Variants in SLC44A3 observed in about 807,000 individuals in gnomAD.
The protein encoded by SLC44A3 is choline transporter-like protein 3.
Under a neutral mutation model 75.4 loss-of-function variants are expected in SLC44A3, and 74 were observed. That is an observed-to-expected ratio of 0.98 (90% CI 0.81 to 1.19). The LOEUF (loss-of-function observed/expected upper bound fraction) is 1.19, where lower values mean the gene tolerates loss of function less well. Ranked by LOEUF, SLC44A3 falls within the 50% of genes most tolerant of loss-of-function variation. The probability of loss-of-function intolerance (pLI) is 0.00; values close to 1 mark genes in which losing one functional copy is unlikely to be tolerated. For missense variants in SLC44A3, 700 were observed against 778.6 expected (o/e 0.90, Z 1.20); for synonymous variants, 310 against 296.9 (o/e 1.04, Z -0.45).
At position 94,864,799 on chromosome 1, in the gene SLC44A3, T is replaced by C. The variant is rs1339612902; in HGVS notation, c.1295T>C (p.Phe432Ser). The C allele has an allele frequency of 6.2e-7, 1 of 1,614,074 alleles. No homozygotes were observed. Among genetic ancestry groups the C allele is most frequent in the East Asian group, 2.2e-5 (1 of 44,880 alleles). Residue 432 changes from phenylalanine (F) to serine (S), a missense_variant, in exon 11 of 15, where the codon TTC (phenylalanine) becomes TCC (serine). Coordinates refer to ENST00000271227, the MANE Select transcript of SLC44A3 (RefSeq NM_001114106.3). ...CTTTCGTCTCTCTCCATTCTCTTCT[T>C]CTACCATCAAGGAACCGTTGTGAAA... Reference protein sequence around the residue: ...PILSSLSILFFYHQGTVVKGS... With the variant: ...PILSSLSILFSYHQGTVVKGS...
At chr1:94,848,952 G>C (rs944955269) in intron 9 of SLC44A3, among the ~76,000 whole-genome samples, 3 of 152,108 alleles carry the variant, frequency 2.0e-5, no homozygotes, top group African/African-American at 7.2e-5. Context: ...AGCACAAGGA[G>C]AGGACCTGGC....
intron 9 of SLC44A3, among the ~76,000 whole-genome samples, chr1:94,854,468 CACCCATTAGCT>C (rs1665602061): frequency 6.6e-6 from 1 of 152,226 alleles, no homozygotes; most frequent in African/African-American, 2.4e-5. Context: ...CTCCCATTAA[CACCCATTAGCT>C]ACCCATGATA....
At chr1:94,871,047 A>G (rs1667718468) in intron 12 of SLC44A3, among the ~76,000 whole-genome samples, 1 of 152,182 alleles carries the variant, frequency 6.6e-6, no homozygotes, top group South Asian at 2.1e-4. Flanking sequence ...GAGGAGGCAC[A>G]TAGTGGCAGA....
intron 5 of SLC44A3, among the ~76,000 whole-genome samples, chr1:94,830,684 G>A (rs1662007543): frequency 6.6e-6 from 1 of 152,154 alleles, no homozygotes; most frequent in Non-Finnish European, 1.5e-5. Context: ...AGCACTTGGA[G>A]AGGAGGACTT....
chr1:94,820,407 G>A lies in SLC44A3; in HGVS notation c.-45G>A, dbSNP rs1042926850. 6.2e-6 allele frequency: 9 copies of A among 1,444,158 alleles called. No homozygotes were observed. The African/African-American group carries it at 1.3e-4, about 21-fold the overall frequency. 89.5% of individuals were successfully genotyped at this position (1,444,158 alleles called of 1,614,324 possible). ...GGGCGCTGCGTCTCCGCGTACAGGA[G>A]GCGGCGGCGGCTCCCAGTCACCGGC... On this transcript the variant is annotated 5_prime_UTR_variant, in exon 1 of 15. Coordinates refer to ENST00000271227, the MANE Select transcript of SLC44A3 (RefSeq NM_001114106.3).
intron 12 of SLC44A3, among the ~76,000 whole-genome samples, chr1:94,886,412 C>G (rs568439513): frequency 1.3e-5 from 2 of 152,258 alleles, no homozygotes; most frequent in South Asian, 4.2e-4. Context: ...GGCTGACCCC[C>G]GACTCTTCCA....
At chr1:94,861,316 A>C (rs1484827003) in intron 10 of SLC44A3, among the ~76,000 whole-genome samples, 1 of 152,200 alleles carries the variant, frequency 6.6e-6, no homozygotes. Context: ...AAAAGTCAGT[A>C]GACAATATCT....
In SLC44A3 at chr1:94,894,843, T is replaced by G; in HGVS notation, c.1883T>G (p.Leu628Ter). The G allele has an allele frequency of 6.2e-7, 1 of 1,611,670 alleles. No individual in the cohort carries two copies. Among genetic ancestry groups the G allele is most frequent in the East Asian group, 2.2e-5 (1 of 44,684 alleles). Reference protein sequence around the residue: ...FLSFVKRSNKLNNARAQQDKH... With the variant: ...FLSFVKRSNK ...AGTTTCGTAAAAAGGAGCAACAAAT[T>G]AAACAATGCAAGGGCACAGCAGGAC... Residue 628 changes from leucine (L) to a stop codon, truncating the protein, a stop_gained, in exon 15 of 15, where the codon TTA becomes TGA. Coordinates refer to ENST00000271227, the MANE Select transcript of SLC44A3 (RefSeq NM_001114106.3). LOFTEE classifies it low-confidence loss of function (END_TRUNC).
chr1:94,864,747 A>G lies in SLC44A3; in HGVS notation c.1243A>G (p.Lys415Glu), dbSNP rs759190024. 1.2e-6 allele frequency: 2 copies of G among 1,612,058 alleles called. No homozygotes were observed. The highest frequency in any genetic ancestry group is 3.4e-5 in the Admixed American group (2 of 59,538). The change falls in exon 11 of 15, where the codon AAA (lysine) becomes GAA (glutamate). Residue 415 changes from lysine to glutamate, a missense_variant. Physicochemically the swap from Lys to Glu is moderately conservative, Grantham distance 56. Transcript: ENST00000271227. ...TATCCTTTTCCCTATTTCCAGAAGT[A>G]AAAATGATCCTCCTGATCATCCCAT... ...AVVTCYFNRS[K>E]NDPPDHPILS...
At chr1:94,846,948 CGTCAG>C (rs145877039) in intron 9 of SLC44A3, among the ~76,000 whole-genome samples, 2,669 of 152,336 alleles carry the variant, frequency 0.018, 68 homozygotes, top group African/African-American at 0.058. Context: ...GTGCCAAGAT[CGTCAG>C]CAGGCTGCCT....
intron 6 of SLC44A3, among the ~76,000 whole-genome samples, chr1:94,838,077 G>A (rs1216394968): frequency 6.6e-6 from 1 of 152,232 alleles, no homozygotes; most frequent in Non-Finnish European, 1.5e-5. Flanking sequence ...AAGCCTCAGT[G>A]GGTAGGGTTG....
chr1:94,857,190 A>G, intron 9 of SLC44A3, 145 bp from the exon 10 acceptor site: 1 of 740,516 alleles, frequency 1.4e-6, no homozygotes, highest in Non-Finnish European at 2.1e-6. Context: ...TGATTTTTGT[A>G]TATTTTAAAT....
chr1:94,837,048 T>C (rs537425048), intron 5 of SLC44A3: 2 of 151,772 alleles, frequency 1.3e-5, no homozygotes, highest in Admixed American at 6.6e-5. Flanking sequence ...AACCAGAGGA[T>C]ATTATGTTAA....
chr1:94,830,275 C>T (rs1235266411), intron 5 of SLC44A3, among the ~76,000 whole-genome samples: 2 of 152,072 alleles, frequency 1.3e-5, no homozygotes, highest in East Asian at 3.8e-4. Context: ...TGCAGTGGTG[C>T]GATCTCAGCT....
At chr1:94,882,698 A>G (rs1356454384) in intron 12 of SLC44A3, among the ~76,000 whole-genome samples, 1 of 152,002 alleles carries the variant, frequency 6.6e-6, no homozygotes, top group African/African-American at 2.4e-5. Context: ...TGGCAGATCA[A>G]TGAAGGATCA....
chr1:94,871,769 T>A (rs932441334), intron 12 of SLC44A3, among the ~76,000 whole-genome samples: 2 of 152,258 alleles, frequency 1.3e-5, no homozygotes, highest in Non-Finnish European at 2.9e-5. Flanking sequence ...GTTTTTCATT[T>A]TTGCATACAA....
At chr1:94,876,687 T>C (rs1668326939) in intron 12 of SLC44A3, among the ~76,000 whole-genome samples, 1 of 152,166 alleles carries the variant, frequency 6.6e-6, no homozygotes, top group Non-Finnish European at 1.5e-5. Context: ...ACCACCTGAG[T>C]CTCATCTTTG....
intron 12 of SLC44A3, among the ~76,000 whole-genome samples, chr1:94,871,277 C>T (rs1219113684): frequency 6.6e-6 from 1 of 152,200 alleles, no homozygotes; most frequent in South Asian, 2.1e-4. Flanking sequence ...GATGAACTCA[C>T]TGTAACTGTA....
chr1:94,826,051 A>G (rs1438757966), intron 3 of SLC44A3: 2 of 378,734 alleles, frequency 5.3e-6, no homozygotes, highest in African/African-American at 2.1e-5. Context: ...ACAATGAAAT[A>G]TTAAAAAGGA....
Sources: allele counts gnomAD v4.1 joint callset (sites outside exome capture counted in the v4.1 genomes callset), GRCh38; gene constraint gnomAD v4.1.1; transcripts MANE v1.5; gene names NCBI Gene and HGNC (gene_info 2026-07-23, HGNC 2026-07-21).